The following DLGAP4 variants were observed in gnomAD, a reference collection of about 807,000 sequenced individuals.
DLGAP4 encodes disks large-associated protein 4.
Under a neutral mutation model 86.9 loss-of-function variants are expected in DLGAP4, and 18 were observed. The observed-to-expected ratio is 0.21, with a 90% CI of 0.14 to 0.31. The LOEUF is 0.31. Ranked by LOEUF, DLGAP4 falls within the 10% of genes least tolerant of loss-of-function variation. The probability of loss-of-function intolerance (pLI) is 1.00; values close to 1 mark genes in which losing one functional copy is unlikely to be tolerated. For missense variants in DLGAP4, 1,085 were observed against 1,362.6 expected, an observed-to-expected ratio of 0.80 and a Z score of 3.21; for synonymous variants, 548 against 574.3, an observed-to-expected ratio of 0.95 and a Z score of 0.65.
At chr20:36,360,644 G>A (rs1487664455) in intron 1 of DLGAP4, among the ~76,000 whole-genome samples, 3 of 151,866 alleles carry the variant, frequency 2.0e-5, no homozygotes, top group African/African-American at 7.3e-5. Context: ...GGTGGGGGGA[G>A]TAGATGAAGG....
chr20:36,317,519 T>C lies in DLGAP4; in HGVS notation c.-304+11007T>C, dbSNP rs2065121564. On this transcript the variant is annotated intron_variant, in intron 1 of 12. Coordinates refer to ENST00000339266, the MANE Select transcript of DLGAP4 (RefSeq NM_001365621.2). Reference sequence around the variant, plus strand: ...CCCAGGCCGGAGTACAGTGACATGATCATAGCTCACTGCAGCCTTGAACTT... The same window carrying C: ...CCCAGGCCGGAGTACAGTGACATGACCATAGCTCACTGCAGCCTTGAACTT... 2.7e-5 allele frequency among the ~76,000 whole-genome samples: 4 copies of C among 145,992 alleles called. No individual in the cohort carries two copies. The East Asian group carries it at 6.0e-4, about 22-fold the overall frequency.
At chr20:36,474,649 G>A (rs2034827769) in intron 7 of DLGAP4, among the ~76,000 whole-genome samples, 1 of 150,662 alleles carries the variant, frequency 6.6e-6, no homozygotes, top group Non-Finnish European at 1.5e-5. Flanking sequence ...GGGAAGAGGG[G>A]CCTGTCTGAC....
chr20:36,497,514 G>C, intron 8 of DLGAP4: 1 of 995,942 alleles, frequency 1.0e-6, no homozygotes, highest in Non-Finnish European at 1.2e-6. Context: ...AGACGCTGTT[G>C]GGCCAGGGGC....
At chr20:36,499,066 C>A in intron 8 of DLGAP4, 1 of 627,232 alleles carries the variant, frequency 1.6e-6, no homozygotes, top group Non-Finnish European at 2.8e-6. Flanking sequence ...GCCCTTAGTG[C>A]AGGCGCCTCT....
chr20:36,318,106 TCACACACACACACACACACACACA>T (rs1156543199), intron 1 of DLGAP4, among the ~76,000 whole-genome samples: 24 of 139,226 alleles, frequency 1.7e-4, no homozygotes, highest in East Asian at 1.1e-3. Context: ...ATGTGTCCTC[TCACACACACACACACACACACACA>T]CACACACACA....
At chr20:36,480,798 G>A (rs772571191) in intron 7 of DLGAP4, among the ~76,000 whole-genome samples, 9 of 152,106 alleles carry the variant, frequency 5.9e-5, no homozygotes, top group Non-Finnish European at 1.2e-4. Context: ...TTAAGCCCAG[G>A]AGTTCTAGTA....
rs190907955 is a variant in DLGAP4, at chr20:36,368,495, G to T, written c.-73+1220G>T. Among the ~76,000 whole-genome samples the T allele has an allele frequency of 2.0e-5, 3 of 152,224 alleles. No homozygotes were observed. The East Asian group carries it at 5.8e-4, about 29-fold the overall frequency. On this transcript the variant is annotated intron_variant, in intron 2 of 12. Transcript: ENST00000339266. ...ACAAGGAGCTGCCCGCTGGGGTGGC[G>T]CCAGCCTTATTATGACTAACCATGA... is the stretch of plus-strand genomic sequence containing the variant.
chr20:36,519,366 T>C (rs1177791227), intron 10 of DLGAP4, among the ~76,000 whole-genome samples: 1 of 152,172 alleles, frequency 6.6e-6, no homozygotes, highest in Non-Finnish European at 1.5e-5. Flanking sequence ...AATGTGGTCA[T>C]TTTTAGCAAA....
At chr20:36,516,273 T>C (rs2037030064) in intron 10 of DLGAP4, among the ~76,000 whole-genome samples, 1 of 152,132 alleles carries the variant, frequency 6.6e-6, no homozygotes, top group Non-Finnish European at 1.5e-5. Context: ...TTATAGAGAG[T>C]TGGCATAATG....
At chr20:36,359,242 C>T (rs2030435257) in intron 1 of DLGAP4, among the ~76,000 whole-genome samples, 2 of 152,190 alleles carry the variant, frequency 1.3e-5, no homozygotes. Context: ...GCCTCAGCCT[C>T]CCAAGTAGCT....
At chr20:36,330,718 G>T (rs555275590) in intron 1 of DLGAP4, among the ~76,000 whole-genome samples, 1 of 151,964 alleles carries the variant, frequency 6.6e-6, no homozygotes, top group African/African-American at 2.4e-5. Flanking sequence ...GACTATAGGC[G>T]CCCGCCACCA....
At chr20:36,513,416 C>T (rs542483275) in intron 10 of DLGAP4, among the ~76,000 whole-genome samples, 11 of 150,546 alleles carry the variant, frequency 7.3e-5, no homozygotes, top group Admixed American at 2.6e-4. Context: ...GGCGCGGTGG[C>T]GGGCGCCTGT....
intron 1 of DLGAP4, among the ~76,000 whole-genome samples, chr20:36,309,776 G>T (rs2065036583): frequency 6.6e-6 from 1 of 152,126 alleles, no homozygotes; most frequent in South Asian, 2.1e-4. Context: ...CCATTTCCTA[G>T]TCCTCTGTCC....
intron 7 of DLGAP4, chr20:36,461,786 C>G: frequency 3.3e-6 from 3 of 913,404 alleles, no homozygotes; most frequent in Non-Finnish European, 3.9e-6. Flanking sequence ...TCCGTCCTGT[C>G]CAGCCGCCAG....
intron 1 of DLGAP4, among the ~76,000 whole-genome samples, chr20:36,324,154 C>A (rs564861498): frequency 6.6e-6 from 1 of 152,074 alleles, no homozygotes; most frequent in Non-Finnish European, 1.5e-5. Flanking sequence ...CAGCTGGGCA[C>A]GGTGGCTCAT....
chr20:36,430,648 CAAAAAAAAAAAAA>C (rs5841233), intron 2 of DLGAP4, among the ~76,000 whole-genome samples: 6 of 58,962 alleles, frequency 1.0e-4, no homozygotes, highest in East Asian at 9.4e-4. Flanking sequence ...GACCTTGTTG[CAAAAAAAAAAAAA>C]AAAAAAAAAA....
intron 2 of DLGAP4, among the ~76,000 whole-genome samples, chr20:36,419,339 C>T (rs1246417905): frequency 6.6e-6 from 1 of 151,916 alleles, no homozygotes; most frequent in Admixed American, 6.6e-5. Flanking sequence ...TTATGTTGCC[C>T]AGGCTGGTTT....
intron 3 of DLGAP4, among the ~76,000 whole-genome samples, chr20:36,433,343 G>A (rs1413180659): frequency 6.6e-6 from 1 of 152,204 alleles, no homozygotes; most frequent in Non-Finnish European, 1.5e-5. Flanking sequence ...CCCAGCTTGG[G>A]GGAATAGCTT....
chr20:36,425,745 C>CA (rs2032957717), intron 2 of DLGAP4, among the ~76,000 whole-genome samples: 1 of 152,102 alleles, frequency 6.6e-6, no homozygotes, highest in Non-Finnish European at 1.5e-5. Context: ...CACTTGAACC[C>CA]AGGAGGCGGA....
Sources: gnomAD v4.1 joint callset for allele counts (sites outside exome capture counted in the v4.1 genomes callset) on GRCh38, gnomAD v4.1.1 for gene constraint, MANE v1.5 for transcripts, NCBI Gene and HGNC (gene_info 2026-07-23, HGNC 2026-07-21) for gene names.